Variants in NMBR observed in about 807,000 individuals in gnomAD.
The protein encoded by NMBR is neuromedin-B receptor.
A neutral mutation model predicts 20.5 loss-of-function variants in NMBR; 16 were observed. The ratio of observed to expected loss-of-function variants is 0.78; its 90% CI spans 0.53 to 1.19. The LOEUF (loss-of-function observed/expected upper bound fraction) is 1.19. Ranked by LOEUF, NMBR falls within the 50% of genes most tolerant of loss-of-function variation. The probability of loss-of-function intolerance (pLI) is 0.00; values close to 1 mark genes in which losing one functional copy is unlikely to be tolerated. For missense variants in NMBR, 582 were observed against 499.1 expected (o/e 1.17, Z -1.58); for synonymous variants, 212 against 196.6 (o/e 1.08, Z -0.65).
chr6:142,087,242 T>C (rs1777216558), intron 2 of NMBR, among the ~76,000 whole-genome samples: 1 of 152,222 alleles, frequency 6.6e-6, no homozygotes, highest in Non-Finnish European at 1.5e-5. Context: ...TTATTTTTCA[T>C]TAGCAATTGA....
At chr6:142,091,677 C>A (rs1777326572) in intron 1 of NMBR, among the ~76,000 whole-genome samples, 1 of 151,990 alleles carries the variant, frequency 6.6e-6, no homozygotes, top group Non-Finnish European at 1.5e-5. Flanking sequence ...TGAAAGAGAC[C>A]TCATGAAACT....
At chr6:142,093,419 T>C (rs2114572200) in intron 1 of NMBR, among the ~76,000 whole-genome samples, 1 of 150,898 alleles carries the variant, frequency 6.6e-6, no homozygotes, top group Middle Eastern at 3.4e-3. Flanking sequence ...TTTTTGTCCT[T>C]GCGATAGTTT....
chr6:142,134,131 G>T (rs1330433292), intron 1 of NMBR: 3 of 503,038 alleles, frequency 6.0e-6, no homozygotes, highest in Admixed American at 3.3e-5. Flanking sequence ...ACCCTAACAG[G>T]TTTTTTGTTC....
chr6:142,090,879 CT>C (rs1777308504), intron 1 of NMBR, among the ~76,000 whole-genome samples: 1 of 151,708 alleles, frequency 6.6e-6, no homozygotes, highest in Non-Finnish European at 1.5e-5. Flanking sequence ...TATTCTCCTC[CT>C]TGTGTCTGTG....
intron 1 of NMBR, among the ~76,000 whole-genome samples, chr6:142,144,619 A>C (rs1765676609): frequency 6.6e-6 from 1 of 152,200 alleles, no homozygotes; most frequent in Non-Finnish European, 1.5e-5. Flanking sequence ...TTCTAGTAAA[A>C]TATCATAGTA....
In NMBR at chr6:142,115,101, C is replaced by T. The variant is rs191004330; in HGVS notation, c.-663-25780G>A. The stretch of plus-strand genomic sequence containing the variant: ...CGAAGCTGTGTGCCTTCAGGACTTT[C>T]TGCTCAAATCGACTGGTTTTTCTAA... On this transcript the variant is annotated intron_variant, in intron 1 of 3. Transcript: ENST00000258042. Among the ~76,000 whole-genome samples, 512 of 152,212 alleles carry T rather than the reference C, an allele frequency of 3.4e-3. 2 individuals carry two copies. The highest frequency in any genetic ancestry group is 0.012 in the African/African-American group (480 of 41,548).
intron 1 of NMBR, among the ~76,000 whole-genome samples, chr6:142,124,139 T>C (rs1245932606): frequency 6.6e-6 from 1 of 151,798 alleles, no homozygotes; most frequent in Non-Finnish European, 1.5e-5. Context: ...TGATTATTTT[T>C]CCCAAAATTT....
intron 1 of NMBR, among the ~76,000 whole-genome samples, chr6:142,140,590 C>G (rs1364636357): frequency 6.6e-6 from 1 of 152,044 alleles, no homozygotes; most frequent in Non-Finnish European, 1.5e-5. Flanking sequence ...ACAAAAGATC[C>G]TGGCACTCCA....
At chr6:142,125,521 T>TACATGTGCATGCAGATACACATA (rs1554215499) in intron 1 of NMBR, among the ~76,000 whole-genome samples, 1 of 70,506 alleles carries the variant, frequency 1.4e-5, no homozygotes, top group Non-Finnish European at 3.6e-5. Flanking sequence ...ACATACACAA[T>TACATGTGCATGCAGATACACATA]TACTCATGCT....
At chr6:142,093,316 C>A (rs1777372769) in intron 1 of NMBR, among the ~76,000 whole-genome samples, 2 of 110,662 alleles carry the variant, frequency 1.8e-5, no homozygotes, top group Admixed American at 2.2e-4. Context: ...CCCCACCCCA[C>A]AACAGTCCCT....
chr6:142,085,544 T>G (rs920267352), intron 2 of NMBR, among the ~76,000 whole-genome samples: 1 of 152,034 alleles, frequency 6.6e-6, no homozygotes, highest in East Asian at 1.9e-4. Flanking sequence ...AATATAATAA[T>G]AATCACAGAT....
intron 1 of NMBR, among the ~76,000 whole-genome samples, chr6:142,137,557 C>T (rs1562248874): frequency 6.6e-6 from 1 of 152,152 alleles, no homozygotes; most frequent in Non-Finnish European, 1.5e-5. Context: ...TGAGAGAGGG[C>T]ATCCCTGTCT....
At chr6:142,103,165 A>G (rs777612728) in intron 1 of NMBR, among the ~76,000 whole-genome samples, 1 of 152,200 alleles carries the variant, frequency 6.6e-6, no homozygotes, top group Non-Finnish European at 1.5e-5. Flanking sequence ...TACTCTGAGA[A>G]GACCATGGAG....
At chr6:142,122,871 A>G (rs1210154694) in intron 1 of NMBR, among the ~76,000 whole-genome samples, 1 of 151,926 alleles carries the variant, frequency 6.6e-6, no homozygotes, top group East Asian at 1.9e-4. Flanking sequence ...GCTCATTGAC[A>G]GTGCACCTAG....
intron 1 of NMBR, among the ~76,000 whole-genome samples, chr6:142,096,628 C>G (rs1472919970): frequency 6.6e-6 from 1 of 152,084 alleles, no homozygotes; most frequent in Admixed American, 6.6e-5. Flanking sequence ...TGGTGTGGTG[C>G]TGAAAAGAAT....
At chr6:142,121,883 G>A (rs1444365197) in intron 1 of NMBR, among the ~76,000 whole-genome samples, 1 of 151,848 alleles carries the variant, frequency 6.6e-6, no homozygotes, top group Non-Finnish European at 1.5e-5. Context: ...CAAAATTCTA[G>A]AGATTACCTC....
chr6:142,136,630 T>C (rs1156914172), intron 1 of NMBR, among the ~76,000 whole-genome samples: 1 of 152,212 alleles, frequency 6.6e-6, no homozygotes, highest in Non-Finnish European at 1.5e-5. Flanking sequence ...TGGTTTTAGG[T>C]CTAACATTTA....
chr6:142,079,641 T>G (rs1212679310), intron 2 of NMBR, among the ~76,000 whole-genome samples: 1 of 152,192 alleles, frequency 6.6e-6, no homozygotes, highest in East Asian at 1.9e-4. Context: ...TTTTAGAAAC[T>G]AATCTAGATT....
intron 1 of NMBR, among the ~76,000 whole-genome samples, chr6:142,144,973 T>C (rs1220622036): frequency 7.3e-6 from 1 of 137,422 alleles, no homozygotes; most frequent in Non-Finnish European, 1.5e-5. Flanking sequence ...CAGCGAGCTC[T>C]GATAGTGTGC....
Sources: gnomAD v4.1 joint callset for allele counts (sites outside exome capture counted in the v4.1 genomes callset) on GRCh38, gnomAD v4.1.1 for gene constraint, MANE v1.5 for transcripts, NCBI Gene and HGNC (gene_info 2026-07-23, HGNC 2026-07-21) for gene names.